NPLOC4: variants seen among roughly 807,000 people sequenced by gnomAD.
NPLOC4 encodes nuclear protein localization protein 4 homolog.
In NPLOC4, 18 loss-of-function variants were observed where a neutral mutation model predicts 80.6. The ratio of observed to expected loss-of-function variants is 0.22; its 90% CI spans 0.15 to 0.33. NPLOC4 has a LOEUF of 0.33. Among genes scored for constraint, NPLOC4 ranks in the 10% least tolerant of loss-of-function variants. The pLI, the probability that NPLOC4 is intolerant of heterozygous loss-of-function variation, is 1.00. For synonymous variants in NPLOC4, 313 were observed against 301.5 expected, an observed-to-expected ratio of 1.04 and a Z score of -0.39; for missense variants, 540 against 786.1, an observed-to-expected ratio of 0.69 and a Z score of 3.74.
At chr17:81,629,629 G>T in intron 2 of NPLOC4, 96 bp downstream of exon 2, 1 of 973,782 alleles carries the variant, frequency 1.0e-6, no homozygotes, top group Non-Finnish European at 1.6e-6. Context: ...TGGGAATAGG[G>T]AAAATAAGAA....
intron 3 of NPLOC4, among the ~76,000 whole-genome samples, chr17:81,616,941 A>C (rs1337143717): frequency 6.6e-6 from 1 of 152,226 alleles, no homozygotes; most frequent in Non-Finnish European, 1.5e-5. Context: ...AGGACATGGA[A>C]GTGGCAGGCA....
At chr17:81,582,378 C>T (rs2034466222) in intron 12 of NPLOC4, among the ~76,000 whole-genome samples, 2 of 152,228 alleles carry the variant, frequency 1.3e-5, no homozygotes, top group Non-Finnish European at 2.9e-5. Context: ...AACACCTAAG[C>T]ATCTAGCGGT....
intron 3 of NPLOC4, among the ~76,000 whole-genome samples, chr17:81,616,900 G>A (rs191221972): frequency 7.7e-4 from 117 of 152,346 alleles, no homozygotes; most frequent in Admixed American, 1.5e-3. Context: ...GTGAGTGACA[G>A]AGGCTATCCA....
rs887524511 is a variant in NPLOC4 at position 81,620,186 on chromosome 17, G to A, written c.209+1980C>T. The stretch of plus-strand genomic sequence containing the variant: ...GCAAGACTAACTGGCAGTGTCTAGG[G>A]ATAGACACTCAAGTAACGAAAGAAT... On this transcript the variant is annotated intron_variant, in intron 3 of 16. Transcript: ENST00000331134. 5.3e-5 allele frequency among the ~76,000 whole-genome samples: 8 copies of A among 152,172 alleles called. No individual in the cohort carries two copies. In the South Asian group the frequency reaches 6.2e-4, roughly 12 times the overall value.
At chr17:81,583,020 G>A (rs533485724) in intron 12 of NPLOC4, among the ~76,000 whole-genome samples, 6 of 152,400 alleles carry the variant, frequency 3.9e-5, no homozygotes, top group African/African-American at 1.4e-4. Flanking sequence ...GCCCATGTGC[G>A]CCAGCACAGC....
intron 13 of NPLOC4, among the ~76,000 whole-genome samples, chr17:81,569,546 G>T (rs2034102937): frequency 6.6e-6 from 1 of 152,230 alleles, no homozygotes; most frequent in Non-Finnish European, 1.5e-5. Flanking sequence ...AGAGATTCGT[G>T]TCATTGGATT....
chr17:81,586,272 A>G (rs371697933), intron 12 of NPLOC4, among the ~76,000 whole-genome samples: 61 of 152,186 alleles, frequency 4.0e-4, no homozygotes, highest in African/African-American at 1.2e-3. Flanking sequence ...AGGAATTTCA[A>G]ACATGCAGCC....
In NPLOC4 at chr17:81,558,923, GC is replaced by G. The variant is rs529526938; in HGVS notation, c.*335del. 7.9e-4 allele frequency: 174 copies of G among 219,100 alleles called. 2 individuals are homozygous for G. Among genetic ancestry groups the G allele is most frequent in the South Asian group, 5.2e-3 (35 of 6,720 alleles). 13.6% of individuals were successfully genotyped at this position (219,100 alleles called of 1,614,324 possible). A position where few individuals can be genotyped will look rare whatever the true frequency, so the allele number is the denominator to read the frequency against. ...AGAAGGCTGGGTGGTGGCAGCATCG[GC>G]CCCTCCCTGTGCGCCCCAATTCCAG... On this transcript the variant is annotated 3_prime_UTR_variant, in exon 17 of 17. Transcript: ENST00000331134.
chr17:81,626,608 G>A (rs1399865254), intron 2 of NPLOC4, among the ~76,000 whole-genome samples: 1 of 152,082 alleles, frequency 6.6e-6, no homozygotes, highest in East Asian at 1.9e-4. Flanking sequence ...GAGACAGAGT[G>A]GGGAGGATCA....
Position 81,572,094 on chromosome 17 carries a change from A to G in NPLOC4, c.1282-6T>C. Reference sequence around the variant, plus strand: ...TTGCCAAACTTGTCTACGTCCTGCAATAGTCAGAGGGGAACAGCGGTGAGC... The same window carrying G: ...TTGCCAAACTTGTCTACGTCCTGCAGTAGTCAGAGGGGAACAGCGGTGAGC... On this transcript the variant is annotated splice_polypyrimidine_tract_variant and splice_region_variant and intron_variant, in intron 12 of 16. Coordinates refer to ENST00000331134, the MANE Select transcript of NPLOC4 (RefSeq NM_017921.4). This position sits in a 1 kb window ranked among gnomAD's most constrained non-coding sequence, Gnocchi z 4.5. 6.2e-7 allele frequency: 1 copy of G among 1,607,052 alleles called. No homozygotes were observed. Among genetic ancestry groups the G allele is most frequent in the South Asian group, 1.1e-5 (1 of 90,082 alleles).
chr17:81,593,568 G>A (rs2034807351), intron 11 of NPLOC4, among the ~76,000 whole-genome samples: 1 of 151,944 alleles, frequency 6.6e-6, no homozygotes, highest in Non-Finnish European at 1.5e-5. Context: ...TTTCTGCATA[G>A]TAAAGGGGTA....
At chr17:81,598,452 T>C (rs986001921) in intron 9 of NPLOC4, among the ~76,000 whole-genome samples, 1 of 152,122 alleles carries the variant, frequency 6.6e-6, no homozygotes, top group Non-Finnish European at 1.5e-5. Flanking sequence ...AATAAACATT[T>C]CAGAGAGTAG....
chr17:81,618,255 C>T (rs7405814), intron 3 of NPLOC4, among the ~76,000 whole-genome samples: 65,017 of 147,022 alleles, frequency 0.44, 15,367 homozygotes, highest in East Asian at 0.75. Context: ...AAGTGAGGAG[C>T]GTCTCTGCCC....
chr17:81,567,643 AC>A lies in NPLOC4; in HGVS notation c.1450-111del. 1.5e-6 allele frequency: 1 copy of A among 673,518 alleles called. No homozygotes were observed. The allele number at this position is 673,518 out of a possible 1,614,324, so 41.7% of individuals were successfully genotyped here. A position where few individuals can be genotyped will look rare whatever the true frequency, so the allele number is the denominator to read the frequency against. ...AACTCAATACACTGAATGCTGAGAC[AC>A]CTCTCCCTCTGCCTCTGCAACCACG... On this transcript the variant is annotated intron_variant, in intron 14 of 16. Transcript: ENST00000331134. The surrounding 1 kb of genome is among the most constrained non-coding windows in gnomAD (Gnocchi z 4.5).
rs1368465362 is a variant in NPLOC4 at position 81,604,700 on chromosome 17, A to G, written c.682T>C (p.Phe228Leu). 2 of 1,613,604 alleles carry G rather than the reference A, an allele frequency of 1.2e-6. No individual in the cohort carries two copies. The highest frequency in any genetic ancestry group is 1.7e-6 in the Non-Finnish European group (2 of 1,179,706). Residue 228 changes from phenylalanine (F) to leucine (L), a missense_variant, in exon 8 of 17, where the codon TTT becomes CTT. Phe to Leu is a conservative substitution (Grantham distance 22). Transcript: ENST00000331134. ...QKYRHVDNIM[F>L]ENHTVADRFL... Reference sequence around the variant, plus strand: ...CGGTCAGCGACGGTGTGATTCTCAAACATGATATTGTCCACATGCCTGTAC... The same window carrying G: ...CGGTCAGCGACGGTGTGATTCTCAAGCATGATATTGTCCACATGCCTGTAC...
At chr17:81,579,005 C>T (rs1012148964) in intron 12 of NPLOC4, among the ~76,000 whole-genome samples, 1 of 152,220 alleles carries the variant, frequency 6.6e-6, no homozygotes, top group African/African-American at 2.4e-5. Context: ...ACTGCAGCCT[C>T]GAACTCCTGG....
intron 12 of NPLOC4, chr17:81,573,629 A>G (rs2034217907): frequency 6.6e-6 from 1 of 152,128 alleles, no homozygotes; most frequent in African/African-American, 2.4e-5. Flanking sequence ...TTTAAATTCA[A>G]TTTCTGGCCT....
chr17:81,565,433 G>C (rs952859362), intron 16 of NPLOC4, 72 bp downstream of exon 16: 13 of 1,270,812 alleles, frequency 1.0e-5, no homozygotes, highest in Non-Finnish European at 1.3e-5. Context: ...ACCGGCAGTG[G>C]GGAGCTGTGC....
At chr17:81,617,283 T>C (rs1274494673) in intron 3 of NPLOC4, among the ~76,000 whole-genome samples, 2 of 152,206 alleles carry the variant, frequency 1.3e-5, no homozygotes, top group Non-Finnish European at 2.9e-5. Flanking sequence ...TATTTATTTA[T>C]ATACTTTTGA....
Sources: gnomAD v4.1 joint callset for allele counts (sites outside exome capture counted in the v4.1 genomes callset) on GRCh38, gnomAD v4.1.1 for gene constraint, Gnocchi (gnomAD v3.1) non-coding constraint, MANE v1.5 for transcripts, NCBI Gene and HGNC (gene_info 2026-07-23, HGNC 2026-07-21) for gene names.